Variants in DLG2 observed in about 807,000 individuals in gnomAD.
The protein encoded by DLG2 is disks large homolog 2.
A neutral mutation model predicts 132.5 loss-of-function variants in DLG2; 45 were observed. The ratio of observed to expected loss-of-function variants is 0.34; its 90% CI spans 0.27 to 0.44. The LOEUF (loss-of-function observed/expected upper bound fraction) is 0.44, where lower values mean the gene tolerates loss of function less well. Among genes scored for constraint, DLG2 ranks in the 20% least tolerant of loss-of-function variants. The pLI, the probability that DLG2 is intolerant of heterozygous loss-of-function variation, is 1.00. For synonymous variants in DLG2, 424 were observed against 419.6 expected, an observed-to-expected ratio of 1.01 and a Z score of -0.13; for missense variants, 1,045 against 1,196.9, an observed-to-expected ratio of 0.87 and a Z score of 1.87.
At chr11:83,737,076 A>C (rs1261536959) in intron 18 of DLG2, among the ~76,000 whole-genome samples, 2 of 152,342 alleles carry the variant, frequency 1.3e-5, no homozygotes, top group East Asian at 1.9e-4. Context: ...GTAGAGCCCC[A>C]AAAACCACAC....
chr11:84,805,432 G>A (rs1379284847), intron 6 of DLG2, among the ~76,000 whole-genome samples: 1 of 152,098 alleles, frequency 6.6e-6, no homozygotes, highest in Non-Finnish European at 1.5e-5. Context: ...GTTTAGATCT[G>A]CGTCTCCACC....
At chr11:83,499,427 A>G (rs1052969644) in intron 21 of DLG2, among the ~76,000 whole-genome samples, 3 of 152,126 alleles carry the variant, frequency 2.0e-5, no homozygotes, top group African/African-American at 7.2e-5. Context: ...CTTGGGATAG[A>G]TTTCTAAAGG....
intron 6 of DLG2, among the ~76,000 whole-genome samples, chr11:84,617,823 G>T (rs1389680155): frequency 2.6e-5 from 4 of 152,076 alleles, no homozygotes; most frequent in Non-Finnish European, 5.9e-5. Flanking sequence ...AATTCATATG[G>T]TCACCCTAAG....
intron 11 of DLG2, among the ~76,000 whole-genome samples, chr11:84,009,838 T>A (rs1252040315): frequency 6.6e-6 from 1 of 152,062 alleles, no homozygotes; most frequent in Non-Finnish European, 1.5e-5. Context: ...ATAAAACCAA[T>A]GAGGCAGGTA....
At chr11:83,816,862 A>G (rs1287017285) in intron 17 of DLG2, among the ~76,000 whole-genome samples, 2 of 152,202 alleles carry the variant, frequency 1.3e-5, no homozygotes, top group Non-Finnish European at 2.9e-5. Context: ...ACAATATCTT[A>G]TAAATATTCT....
At chr11:84,577,020 T>C (rs2154528542) in intron 6 of DLG2, among the ~76,000 whole-genome samples, 1 of 152,280 alleles carries the variant, frequency 6.6e-6, no homozygotes, top group South Asian at 2.1e-4. Flanking sequence ...CCCATGCTAT[T>C]CTGTGATAGT....
intron 7 of DLG2, among the ~76,000 whole-genome samples, chr11:84,463,138 G>A (rs1319210151): frequency 6.6e-6 from 1 of 151,182 alleles, no homozygotes; most frequent in Non-Finnish European, 1.5e-5. Context: ...CTTGCTCAAT[G>A]TCACGCCAAG....
chr11:85,168,198 G>A (rs1271945344), intron 4 of DLG2, among the ~76,000 whole-genome samples: 1 of 152,146 alleles, frequency 6.6e-6, no homozygotes, highest in Non-Finnish European at 1.5e-5. Context: ...AAAGAATTTA[G>A]TGTAAGAAAG....
At chr11:83,839,691 G>C (rs774701799) in intron 16 of DLG2, among the ~76,000 whole-genome samples, 9 of 152,168 alleles carry the variant, frequency 5.9e-5, no homozygotes, top group Non-Finnish European at 1.0e-4. Context: ...GTATATATAA[G>C]CCAGAGGAGG....
At chr11:85,529,018 C>G (rs990230959) in intron 3 of DLG2, among the ~76,000 whole-genome samples, 2 of 152,188 alleles carry the variant, frequency 1.3e-5, no homozygotes, top group Non-Finnish European at 2.9e-5. Flanking sequence ...TGAAGTATAG[C>G]TGTATGCAAC....
At chr11:83,971,547 G>A (rs2091344766) in intron 12 of DLG2, among the ~76,000 whole-genome samples, 1 of 152,152 alleles carries the variant, frequency 6.6e-6, no homozygotes, top group Non-Finnish European at 1.5e-5. Context: ...GAGCAATATA[G>A]AGATGGCAAG....
intron 6 of DLG2, among the ~76,000 whole-genome samples, chr11:84,999,012 T>C (rs1444436929): frequency 1.3e-5 from 2 of 151,500 alleles, no homozygotes; most frequent in Non-Finnish European, 2.9e-5. Context: ...GTGTTTGGAG[T>C]GAGAGTGCAG....
At chr11:85,033,412 A>C (rs911714864) in intron 6 of DLG2, among the ~76,000 whole-genome samples, 1 of 151,056 alleles carries the variant, frequency 6.6e-6, no homozygotes, top group African/African-American at 2.4e-5. Flanking sequence ...AAAAAAATTC[A>C]TACAAGCATC....
intron 3 of DLG2, among the ~76,000 whole-genome samples, chr11:85,419,120 G>A (rs1365664787): frequency 6.6e-6 from 1 of 152,110 alleles, no homozygotes; most frequent in East Asian, 1.9e-4. Flanking sequence ...CAGGCCCTGT[G>A]GTAACAAAAT....
chr11:85,322,237 C>A (rs948350357), intron 3 of DLG2, among the ~76,000 whole-genome samples: 1 of 152,048 alleles, frequency 6.6e-6, no homozygotes, highest in Non-Finnish European at 1.5e-5. Context: ...CCCATAAGCC[C>A]CTTTCCGTGT....
chr11:85,190,453 G>GAA (rs562602286), intron 4 of DLG2, among the ~76,000 whole-genome samples: 1 of 139,072 alleles, frequency 7.2e-6, no homozygotes, highest in Admixed American at 7.2e-5. Context: ...CTAAAGGAGC[G>GAA]AAAAAAAAAC....
chr11:84,918,254 G>A (rs1201861336), intron 6 of DLG2, among the ~76,000 whole-genome samples: 1 of 152,100 alleles, frequency 6.6e-6, no homozygotes. Flanking sequence ...CCAAACATAA[G>A]CAAAATTAAC....
intron 3 of DLG2, among the ~76,000 whole-genome samples, chr11:85,422,923 C>T (rs761256589): frequency 6.6e-6 from 1 of 151,988 alleles, no homozygotes; most frequent in Non-Finnish European, 1.5e-5. Flanking sequence ...TAACTAAACT[C>T]CTGAATTCTT....
chr11:85,179,750 C>CA (rs749955388), intron 4 of DLG2, among the ~76,000 whole-genome samples: 2 of 151,770 alleles, frequency 1.3e-5, no homozygotes, highest in Non-Finnish European at 2.9e-5. Flanking sequence ...CACAATAATA[C>CA]AAATGAACTA....
Sources: allele counts gnomAD v4.1 joint callset (sites outside exome capture counted in the v4.1 genomes callset), GRCh38; gene constraint gnomAD v4.1.1; transcripts MANE v1.5; gene names NCBI Gene and HGNC (gene_info 2026-07-23, HGNC 2026-07-21).